Variants in PCDHA2 observed in about 807,000 individuals in gnomAD.
PCDHA2 encodes the protein protocadherin alpha 2.
In PCDHA2, 58 loss-of-function variants were observed where a neutral mutation model predicts 66.0. The ratio of observed to expected loss-of-function variants is 0.88; its 90% CI spans 0.71 to 1.09. The LOEUF is 1.09. Among genes scored for constraint, PCDHA2 ranks in the 50% least tolerant of loss-of-function variants. PCDHA2 has a pLI of 0.00. For synonymous variants in PCDHA2, 634 were observed against 554.0 expected (o/e 1.14, Z -2.03); for missense variants, 1,267 against 1,242.3 (o/e 1.02, Z -0.30).
chr5:140,883,532 G>C, intron 1 of PCDHA2: 2 of 1,614,220 alleles, frequency 1.2e-6, no homozygotes, highest in Non-Finnish European at 1.7e-6. Context: ...ATCAGCCTAT[G>C]AACTGGTGGT....
Position 140,834,771 on chromosome 5 carries a change from C to A in PCDHA2, c.2388+37419C>A, listed in dbSNP as rs2150226115. 3 of 1,613,992 alleles carry A rather than the reference C, an allele frequency of 1.9e-6. No individual in the cohort carries two copies. In the South Asian group the frequency reaches 3.3e-5, roughly 18 times the overall value. On this transcript the variant is annotated intron_variant, in intron 1 of 3. Transcript: ENST00000526136. ...GGAGGTGAAGGACATTAACGACAAC[C>A]CTCCGGTGTTCCCAGCGACACAAAG...
Position 140,809,367 on chromosome 5 carries a change from C to T in PCDHA2, c.2388+12015C>T, listed in dbSNP as rs543555386. 6.2e-6 allele frequency: 10 copies of T among 1,613,970 alleles called. No individual in the cohort carries two copies. In the South Asian group the frequency reaches 1.1e-4, roughly 18 times the overall value. On this transcript the variant is annotated intron_variant, in intron 1 of 3. Transcript: ENST00000526136. The stretch of plus-strand genomic sequence containing the variant: ...ACCGCGCTGCGGTGCTCTGCGCTGC[C>T]CACCGAGGGCGCGTGCGCTCCGGGC...
rs782753362 is a variant in PCDHA2 at position 140,796,937 on chromosome 5, C to G, written c.1973C>G (p.Ala658Gly). Residue 658 changes from alanine (A) to glycine (G), a missense_variant, in exon 1 of 4, where the codon GCG becomes GGG. Physicochemically the swap from Ala to Gly is moderately conservative, Grantham distance 60. Coordinates refer to ENST00000526136, the MANE Select transcript of PCDHA2 (RefSeq NM_018905.3). Reference sequence around the variant, plus strand: ...CTGGTGAAGGACCACGGCGAACCAGCGTTGACAGCCACGGCCACCGTGTTA... The same window carrying G: ...CTGGTGAAGGACCACGGCGAACCAGGGTTGACAGCCACGGCCACCGTGTTA... ...LVLVKDHGEPALTATATVLVS... is the reference protein window; with the variant it reads ...LVLVKDHGEPGLTATATVLVS... 6.2e-7 allele frequency: 1 copy of G among 1,613,834 alleles called. No homozygotes were observed. Among genetic ancestry groups the G allele is most frequent in the Non-Finnish European group, 8.5e-7 (1 of 1,179,984 alleles).
chr5:140,832,420 A>C (rs1771976831), intron 1 of PCDHA2, among the ~76,000 whole-genome samples: 1 of 152,226 alleles, frequency 6.6e-6, no homozygotes, highest in African/African-American at 2.4e-5. Flanking sequence ...TTCTAAAAGA[A>C]GTACATGATA....
chr5:140,797,489 A>G (rs1554120456), intron 1 of PCDHA2, 137 bp downstream of exon 1: 1 of 1,001,256 alleles, frequency 1.0e-6, no homozygotes, highest in African/African-American at 1.6e-5. Context: ...AATATGAATT[A>G]GAGATCAATT....
chr5:140,953,055 T>C (rs1389436711), intron 1 of PCDHA2, among the ~76,000 whole-genome samples: 3 of 152,178 alleles, frequency 2.0e-5, no homozygotes, highest in African/African-American at 7.2e-5. Flanking sequence ...CAATCACCTC[T>C]CACAGGCCCC....
intron 1 of PCDHA2, among the ~76,000 whole-genome samples, chr5:140,897,593 G>A (rs1185165472): frequency 6.6e-6 from 1 of 152,014 alleles, no homozygotes; most frequent in Non-Finnish European, 1.5e-5. Context: ...TGTCATTGTT[G>A]GACATTTGGG....
At chr5:140,960,488 GT>G (rs1373763536) in intron 1 of PCDHA2, among the ~76,000 whole-genome samples, 4 of 152,150 alleles carry the variant, frequency 2.6e-5, no homozygotes, top group African/African-American at 9.7e-5. Flanking sequence ...AGAGGTGTAG[GT>G]TTGTTTGTTC....
chr5:140,832,930 G>A (rs2150205198), intron 1 of PCDHA2, among the ~76,000 whole-genome samples: 32 of 152,268 alleles, frequency 2.1e-4, no homozygotes, highest in African/African-American at 7.7e-4. Flanking sequence ...GTATTCATGA[G>A]AAGAGAGTAA....
chr5:140,898,462 C>T (rs1398136688), intron 1 of PCDHA2, among the ~76,000 whole-genome samples: 7 of 150,224 alleles, frequency 4.7e-5, no homozygotes, highest in African/African-American at 1.5e-4. Flanking sequence ...TTCCCCATTG[C>T]TTGTTTTTCT....
At chr5:140,822,806 A>C in intron 1 of PCDHA2, 2 of 1,614,176 alleles carry the variant, frequency 1.2e-6, no homozygotes, top group Non-Finnish European at 1.7e-6. Context: ...GATGTGAATG[A>C]TAATACCCCA....
intron 3 of PCDHA2, among the ~76,000 whole-genome samples, chr5:140,997,720 G>A (rs973128921): frequency 3.3e-5 from 5 of 151,568 alleles, no homozygotes; most frequent in East Asian, 1.9e-4. Context: ...ACCTTTCTAC[G>A]TCAGTACATA....
intron 1 of PCDHA2, among the ~76,000 whole-genome samples, chr5:140,888,197 C>G (rs190439070): frequency 4.6e-5 from 7 of 152,044 alleles, no homozygotes; most frequent in Non-Finnish European, 8.8e-5. Flanking sequence ...TTTACATTGT[C>G]GGATGCTGGA....
chr5:140,824,313 A>G (rs2150134040), intron 1 of PCDHA2: 2 of 757,082 alleles, frequency 2.6e-6, no homozygotes, highest in Middle Eastern at 4.8e-4. Flanking sequence ...TAATAGATTC[A>G]TCAGCTTTCT....
At chr5:140,866,293 T>TAG (rs2049266972) in intron 1 of PCDHA2, 1 of 152,272 alleles carries the variant, frequency 6.6e-6, no homozygotes, top group East Asian at 1.9e-4. Context: ...GGGACAAGTA[T>TAG]AGATGTTGAT....
At chr5:140,857,683 C>T (rs1554150520) in intron 1 of PCDHA2, 1 of 1,597,084 alleles carries the variant, frequency 6.3e-7, no homozygotes, top group Middle Eastern at 1.8e-4. Context: ...CGCCTCTGGG[C>T]AGCAACTTGA....
chr5:140,842,998 T>G (rs2150349585), intron 1 of PCDHA2: 5 of 1,594,952 alleles, frequency 3.1e-6, no homozygotes, highest in Non-Finnish European at 4.3e-6. Flanking sequence ...TGGACGAGAA[T>G]GACAACGCGC....
chr5:140,956,706 G>A (rs1166051458), intron 1 of PCDHA2, among the ~76,000 whole-genome samples: 2 of 152,172 alleles, frequency 1.3e-5, no homozygotes, highest in African/African-American at 4.8e-5. Flanking sequence ...GTTTGGAATA[G>A]CTTCAGAAGA....
chr5:140,993,934 C>T (rs936977793), intron 3 of PCDHA2, among the ~76,000 whole-genome samples: 5 of 152,044 alleles, frequency 3.3e-5, no homozygotes, highest in African/African-American at 1.2e-4. Context: ...AGAACATATC[C>T]CCATTGTTAA....
Sources: gnomAD v4.1 joint callset for allele counts (sites outside exome capture counted in the v4.1 genomes callset) on GRCh38, gnomAD v4.1.1 for gene constraint, MANE v1.5 for transcripts, NCBI Gene and HGNC (gene_info 2026-07-23, HGNC 2026-07-21) for gene names.